CFAP206: variants seen among roughly 807,000 people sequenced by gnomAD.
CFAP206 encodes cilia- and flagella-associated protein 206.
A neutral mutation model predicts 65.4 loss-of-function variants in CFAP206; 53 were observed. The observed-to-expected ratio is 0.81, with a 90% CI of 0.65 to 1.02. The LOEUF is 1.02. CFAP206 is among the 50% of genes least tolerant of loss of function. CFAP206 has a pLI of 0.00. For missense variants in CFAP206, 663 were observed against 753.2 expected (o/e 0.88, Z 1.40); for synonymous variants, 250 against 254.4 (o/e 0.98, Z 0.17).
rs182137277 is a variant in CFAP206 at position 87,455,620 on chromosome 6, T to C, written c.1495-5402T>C. On this transcript the variant is annotated intron_variant, in intron 11 of 12. Coordinates refer to ENST00000369562, the MANE Select transcript of CFAP206 (RefSeq NM_001031743.3). ...AAATTGTTAGTCAATAGTTACACTT[T>C]AGCCAGGCTAGGAAAACATGAGAGA... 1.6e-3 allele frequency among the ~76,000 whole-genome samples: 240 copies of C among 152,258 alleles called. 1 individual carries two copies. In the Middle Eastern group the frequency reaches 0.017, roughly 11 times the overall value.
intron 11 of CFAP206, among the ~76,000 whole-genome samples, chr6:87,455,684 C>T (rs1424633675): frequency 1.3e-5 from 2 of 152,026 alleles, no homozygotes; most frequent in Non-Finnish European, 2.9e-5. Flanking sequence ...GGAGACATTA[C>T]AACTGATATC....
At chr6:87,455,265 C>T (rs754759311) in intron 11 of CFAP206, among the ~76,000 whole-genome samples, 11 of 151,998 alleles carry the variant, frequency 7.2e-5, no homozygotes, top group Non-Finnish European at 1.0e-4. Flanking sequence ...TTAAACAATA[C>T]GCTCCTTAAT....
chr6:87,418,439 G>T, intron 7 of CFAP206, 23 bp downstream of exon 7: 1 of 1,596,656 alleles, frequency 6.3e-7, no homozygotes. Flanking sequence ...CATAAGACCT[G>T]ACCTTTTCTA....
chr6:87,456,786 A>C (rs1768649939), intron 11 of CFAP206, among the ~76,000 whole-genome samples: 2 of 152,166 alleles, frequency 1.3e-5, no homozygotes, highest in Admixed American at 1.3e-4. Context: ...AAAATTAAAA[A>C]CCTAGGAATA....
chr6:87,435,776 C>T (rs1768255485), intron 11 of CFAP206: 1 of 152,278 alleles, frequency 6.6e-6, no homozygotes, highest in Non-Finnish European at 1.5e-5. Context: ...CGTCTTGCCT[C>T]AGTCTCCCAA....
intron 11 of CFAP206, among the ~76,000 whole-genome samples, chr6:87,436,976 T>G (rs1379722278): frequency 6.6e-6 from 1 of 152,172 alleles, no homozygotes; most frequent in African/African-American, 2.4e-5. Flanking sequence ...TATTATTGTT[T>G]GTTTTTTTTT....
At chr6:87,444,095 T>A (rs1024258402) in intron 11 of CFAP206, among the ~76,000 whole-genome samples, 1 of 152,224 alleles carries the variant, frequency 6.6e-6, no homozygotes, top group Admixed American at 6.5e-5. Flanking sequence ...ATTATTGATA[T>A]CTAATTTTTA....
intron 4 of CFAP206, among the ~76,000 whole-genome samples, chr6:87,415,353 A>C (rs1767807397): frequency 6.7e-6 from 1 of 149,972 alleles, no homozygotes; most frequent in South Asian, 2.1e-4. Flanking sequence ...ATTAAAATAT[A>C]TAATATATAT....
rs184430390 is a variant in CFAP206, at chr6:87,448,920, G to A, written c.1495-12102G>A. 3.5e-4 allele frequency among the ~76,000 whole-genome samples: 54 copies of A among 152,170 alleles called. 1 individual carries two copies. Among genetic ancestry groups the A allele is most frequent in the Admixed American group, 3.0e-3 (46 of 15,278 alleles). On this transcript the variant is annotated intron_variant, in intron 11 of 12. Coordinates refer to ENST00000369562, the MANE Select transcript of CFAP206 (RefSeq NM_001031743.3). ...TATTCTCCTGTTGGTGGACACTTAGGTTGTTTCCATATCTTGACTATTGTG... is the reference window on the plus strand; with the variant it reads ...TATTCTCCTGTTGGTGGACACTTAGATTGTTTCCATATCTTGACTATTGTG...
intron 7 of CFAP206, among the ~76,000 whole-genome samples, chr6:87,421,142 G>T (rs1326492256): frequency 6.6e-6 from 1 of 152,086 alleles, no homozygotes; most frequent in Non-Finnish European, 1.5e-5. Flanking sequence ...TAGCAATTTT[G>T]ATTTTTAAAA....
At chr6:87,445,170 C>T (rs1176398084) in intron 11 of CFAP206, 2 of 272,916 alleles carry the variant, frequency 7.3e-6, no homozygotes, top group South Asian at 7.3e-5. Context: ...TTTCATCTCC[C>T]CTTTCTTTTT....
At chr6:87,416,885 C>A in intron 6 of CFAP206, 58 bp downstream of exon 6, 1 of 1,435,910 alleles carries the variant, frequency 7.0e-7, no homozygotes, top group Non-Finnish European at 9.5e-7. Flanking sequence ...TTAACTTGCA[C>A]AGTGAGGAAA....
At chr6:87,444,993 C>A in intron 11 of CFAP206, 3 of 521,928 alleles carry the variant, frequency 5.7e-6, no homozygotes, top group East Asian at 5.2e-5. Flanking sequence ...TTCTGTAATT[C>A]GTTGAAGACA....
chr6:87,412,394 C>A (rs1404325391), intron 3 of CFAP206, among the ~76,000 whole-genome samples: 1 of 152,014 alleles, frequency 6.6e-6, no homozygotes, highest in East Asian at 1.9e-4. Flanking sequence ...CAAGTGCCTG[C>A]CAGCTGCAGT....
At chr6:87,434,826 G>T in intron 10 of CFAP206, 34 bp from the exon 11 acceptor site, 1 of 1,137,130 alleles carries the variant, frequency 8.8e-7, no homozygotes, top group Non-Finnish European at 1.2e-6. Flanking sequence ...AAGTGATCAA[G>T]ACATTTCATA....
chr6:87,447,641 T>C (rs1562008978), intron 11 of CFAP206, among the ~76,000 whole-genome samples: 1 of 152,150 alleles, frequency 6.6e-6, no homozygotes, highest in Non-Finnish European at 1.5e-5. Flanking sequence ...GCAGTTGTTT[T>C]TTGTTGTTGT....
chr6:87,418,402 C>T lies in CFAP206; in HGVS notation c.826C>T (p.Leu276Phe). Residue 276 changes from leucine to phenylalanine, a missense_variant, in exon 7 of 13, where the codon CTT (leucine) becomes TTT (phenylalanine). Transcript: ENST00000369562. ...LYNIRQYEVF[L>F]QIILSDIITG... ...TAATATACGACAATATGAGGTCTTCCTTCAGATCATTTTGGTGAGTTAAGT... is the reference window on the plus strand; with the variant it reads ...TAATATACGACAATATGAGGTCTTCTTTCAGATCATTTTGGTGAGTTAAGT... 1.2e-6 allele frequency: 2 copies of T among 1,613,998 alleles called. No homozygotes were observed. The highest frequency in any genetic ancestry group is 1.7e-6 in the Non-Finnish European group (2 of 1,179,958).
chr6:87,461,601 T>A (rs1275620453), intron 12 of CFAP206, among the ~76,000 whole-genome samples: 1 of 152,168 alleles, frequency 6.6e-6, no homozygotes, highest in African/African-American at 2.4e-5. Context: ...ATACCTACCC[T>A]TAAAGCCTGT....
chr6:87,409,689 A>G (rs1168816208), intron 1 of CFAP206, 146 bp from the exon 2 acceptor site: 9 of 509,044 alleles, frequency 1.8e-5, no homozygotes, highest in Non-Finnish European at 2.8e-5. Context: ...AAAACAGGAG[A>G]GGCCTAGATA....
Sources: gnomAD v4.1 joint callset for allele counts (sites outside exome capture counted in the v4.1 genomes callset) on GRCh38, gnomAD v4.1.1 for gene constraint, MANE v1.5 for transcripts, NCBI Gene and HGNC (gene_info 2026-07-23, HGNC 2026-07-21) for gene names.